Variants in SSBP2 observed in about 807,000 individuals in gnomAD.
The protein encoded by SSBP2 is single-stranded DNA-binding protein 2.
SSBP2 carries 17 observed loss-of-function variants against 61.8 expected under a neutral mutation model. The ratio of observed to expected loss-of-function variants is 0.28; its 90% CI spans 0.19 to 0.41. The LOEUF is 0.41. Ranked by LOEUF, SSBP2 falls within the 10% of genes least tolerant of loss-of-function variation. The pLI, the probability that SSBP2 is intolerant of heterozygous loss-of-function variation, is 1.00. For missense variants in SSBP2, 310 were observed against 458.7 expected (o/e 0.68, Z 2.96); for synonymous variants, 139 against 141.3 (o/e 0.98, Z 0.12).
chr5:81,667,269 G>C (rs1441289823), intron 1 of SSBP2, among the ~76,000 whole-genome samples: 1 of 144,888 alleles, frequency 6.9e-6, no homozygotes, highest in African/African-American at 2.6e-5. Flanking sequence ...CAGAGTACCA[G>C]ACAGAAGGGA....
chr5:81,599,852 T>C (rs1442994618), intron 4 of SSBP2, among the ~76,000 whole-genome samples: 1 of 152,226 alleles, frequency 6.6e-6, no homozygotes, highest in Non-Finnish European at 1.5e-5. Context: ...AAGCTCCTCC[T>C]GGAAGACTTC....
In SSBP2 at chr5:81,413,076, C is replaced by T. The variant is rs1703219146; in HGVS notation, c.*7428G>A. On this transcript the variant is annotated 3_prime_UTR_variant, in exon 17 of 17. Coordinates refer to ENST00000320672, the MANE Select transcript of SSBP2 (RefSeq NM_012446.5). ...TGGCTTCATACAAACTTGACTTTTT[C>T]AACAAGTAATGAAGTACAGGCTAGA... The T allele has an allele frequency of 6.6e-6, 1 of 152,112 alleles. No homozygotes were observed. The highest frequency in any genetic ancestry group is 2.1e-4 in the South Asian group (1 of 4,832). The allele number at this position is 152,112 out of a possible 1,614,324, so 9.4% of individuals were successfully genotyped here. A position where few individuals can be genotyped will look rare whatever the true frequency, so the allele number is the denominator to read the frequency against.
chr5:81,510,849 C>T (rs771304867), intron 5 of SSBP2, among the ~76,000 whole-genome samples: 1 of 152,154 alleles, frequency 6.6e-6, no homozygotes, highest in Non-Finnish European at 1.5e-5. Context: ...ATTCTGACTA[C>T]ACAATGGAGC....
At chr5:81,569,011 T>C (rs988557289) in intron 4 of SSBP2, among the ~76,000 whole-genome samples, 1 of 152,216 alleles carries the variant, frequency 6.6e-6, no homozygotes, top group Non-Finnish European at 1.5e-5. Context: ...CAAAGTCTTC[T>C]GAAGCCCCCT....
chr5:81,687,640 T>C (rs1324377484), intron 1 of SSBP2, among the ~76,000 whole-genome samples: 1 of 152,122 alleles, frequency 6.6e-6, no homozygotes, highest in Non-Finnish European at 1.5e-5. Context: ...AGGGCTTTGT[T>C]TTGCAACTTG....
In SSBP2 at chr5:81,520,510, G is replaced by T. The variant is rs79645406; in HGVS notation, c.283-6793C>A. ...GAATACCAATATCAAGTTTGCAGAT[G>T]TAATAAAAGATATGCTTTAATTCAC... On this transcript the variant is annotated intron_variant, in intron 4 of 16. Coordinates refer to ENST00000320672, the MANE Select transcript of SSBP2 (RefSeq NM_012446.5). Among the ~76,000 whole-genome samples the T allele has an allele frequency of 2.9e-3, 448 of 152,214 alleles. 2 individuals carry two copies. The highest frequency in any genetic ancestry group is 0.011 in the African/African-American group (439 of 41,548).
At chr5:81,485,354 T>C (rs947395897) in intron 6 of SSBP2, among the ~76,000 whole-genome samples, 50 of 152,312 alleles carry the variant, frequency 3.3e-4, no homozygotes, top group African/African-American at 1.1e-3. Context: ...AGTGACATTA[T>C]ATCATATTCC....
At chr5:81,447,385 G>C (rs914641374) in intron 11 of SSBP2, among the ~76,000 whole-genome samples, 5 of 152,100 alleles carry the variant, frequency 3.3e-5, no homozygotes, top group Non-Finnish European at 7.4e-5. Flanking sequence ...AGCATCAATT[G>C]CAACGTTTCT....
chr5:81,605,301 T>C (rs1283067476), intron 4 of SSBP2, among the ~76,000 whole-genome samples: 38 of 152,146 alleles, frequency 2.5e-4, no homozygotes, highest in Admixed American at 2.5e-3. Flanking sequence ...AATGACATGA[T>C]AAATTATTCC....
chr5:81,430,324 T>C (rs1035456157), intron 15 of SSBP2, among the ~76,000 whole-genome samples: 3 of 152,192 alleles, frequency 2.0e-5, no homozygotes, highest in African/African-American at 7.2e-5. Context: ...ATCTAATATA[T>C]ACACACATAT....
intron 4 of SSBP2, among the ~76,000 whole-genome samples, chr5:81,596,210 C>A (rs868442298): frequency 9.9e-5 from 15 of 151,886 alleles, no homozygotes; most frequent in Admixed American, 2.6e-4. Flanking sequence ...AAACAGAGAG[C>A]CAAATCATGA....
intron 1 of SSBP2, among the ~76,000 whole-genome samples, chr5:81,719,781 A>C (rs1453881306): frequency 6.6e-6 from 1 of 152,188 alleles, no homozygotes; most frequent in African/African-American, 2.4e-5. Context: ...GGTTTTCAGC[A>C]GAAAAGGCCA....
At chr5:81,653,574 AG>A (rs1749942945) in intron 1 of SSBP2, among the ~76,000 whole-genome samples, 1 of 152,166 alleles carries the variant, frequency 6.6e-6, no homozygotes, top group South Asian at 2.1e-4. Context: ...ACAGTGTAAA[AG>A]TGTTCCTATT....
chr5:81,484,527 T>C (rs1192491004), intron 6 of SSBP2, among the ~76,000 whole-genome samples: 1 of 152,096 alleles, frequency 6.6e-6, no homozygotes, highest in African/African-American at 2.4e-5. Flanking sequence ...ATTTTAATCT[T>C]GCCATGTTGG....
chr5:81,733,143 TC>T (rs966844655), intron 1 of SSBP2, among the ~76,000 whole-genome samples: 1 of 152,102 alleles, frequency 6.6e-6, no homozygotes, highest in Non-Finnish European at 1.5e-5. Flanking sequence ...CCTGGAATCC[TC>T]CAATAATAGA....
intron 2 of SSBP2, among the ~76,000 whole-genome samples, chr5:81,642,917 C>T (rs543220380): frequency 4.6e-5 from 7 of 152,116 alleles, no homozygotes; most frequent in Non-Finnish European, 1.0e-4. Flanking sequence ...TATACACACA[C>T]ACATTTGCTT....
chr5:81,425,382 A>T (rs1761890181), intron 16 of SSBP2, among the ~76,000 whole-genome samples: 1 of 152,214 alleles, frequency 6.6e-6, no homozygotes, highest in South Asian at 2.1e-4. Flanking sequence ...TACATTAAAA[A>T]ATTGGGGCTG....
At chr5:81,699,854 CTT>C (rs3081889) in intron 1 of SSBP2, among the ~76,000 whole-genome samples, 43,577 of 123,970 alleles carry the variant, frequency 0.35, 5,954 homozygotes, top group Middle Eastern at 0.51. Context: ...AAATCAATTT[CTT>C]TTTTTTTTTT....
intron 1 of SSBP2, among the ~76,000 whole-genome samples, chr5:81,657,828 A>G (rs945829467): frequency 6.6e-6 from 1 of 152,192 alleles, no homozygotes; most frequent in African/African-American, 2.4e-5. Context: ...ACTTAATTTT[A>G]GTCAGGTTTT....
Sources: gnomAD v4.1 joint callset for allele counts (sites outside exome capture counted in the v4.1 genomes callset) on GRCh38, gnomAD v4.1.1 for gene constraint, MANE v1.5 for transcripts, NCBI Gene and HGNC (gene_info 2026-07-23, HGNC 2026-07-21) for gene names.